The following GRIK1 variants were observed in gnomAD, a reference collection of about 807,000 sequenced individuals.
GRIK1 encodes the protein glutamate ionotropic receptor kainate type subunit 1.
Under a neutral mutation model 105.7 loss-of-function variants are expected in GRIK1, and 69 were observed. The observed-to-expected ratio is 0.65, with a 90% CI of 0.54 to 0.80. GRIK1 has a LOEUF of 0.80. Ranked by LOEUF, GRIK1 falls within the 30% of genes least tolerant of loss-of-function variation. The pLI, the probability that GRIK1 is intolerant of heterozygous loss-of-function variation, is 0.00. For synonymous variants in GRIK1, 438 were observed against 431.3 expected (o/e 1.02, Z -0.19); for missense variants, 1,109 against 1,167.3 (o/e 0.95, Z 0.73).
intron 1 of GRIK1, among the ~76,000 whole-genome samples, chr21:29,814,049 G>A (rs1339253120): frequency 1.4e-5 from 2 of 147,738 alleles, no homozygotes; most frequent in African/African-American, 5.0e-5. Context: ...TGAGTAGCTG[G>A]GATTACAGGT....
chr21:29,831,778 C>T (rs2067648958), intron 1 of GRIK1, among the ~76,000 whole-genome samples: 1 of 152,056 alleles, frequency 6.6e-6, no homozygotes, highest in Admixed American at 6.6e-5. Flanking sequence ...TACCATTCTG[C>T]CCCCAGCCCC....
intron 1 of GRIK1, among the ~76,000 whole-genome samples, chr21:29,900,247 G>A (rs2070344511): frequency 6.6e-6 from 1 of 151,876 alleles, no homozygotes; most frequent in Non-Finnish European, 1.5e-5. Context: ...TAACCAGCTA[G>A]CATCATAATG....
At chr21:29,893,369 C>T (rs943923802) in intron 1 of GRIK1, among the ~76,000 whole-genome samples, 5 of 152,100 alleles carry the variant, frequency 3.3e-5, no homozygotes, top group Non-Finnish European at 7.3e-5. Context: ...CATTCTTTTT[C>T]AAATCACTAT....
At chr21:29,793,030 GC>G (rs1384387432) in intron 1 of GRIK1, among the ~76,000 whole-genome samples, 1 of 151,914 alleles carries the variant, frequency 6.6e-6, no homozygotes, top group Non-Finnish European at 1.5e-5. Flanking sequence ...CACCTTCATT[GC>G]ACGTGAGCAA....
intron 3 of GRIK1, among the ~76,000 whole-genome samples, chr21:29,678,067 C>T (rs1349729965): frequency 6.6e-6 from 1 of 152,134 alleles, no homozygotes. Context: ...AGTTTGATGC[C>T]ATAAGCATGA....
At chr21:29,697,963 T>TCTC (rs1568988093) in intron 1 of GRIK1, among the ~76,000 whole-genome samples, 1 of 149,608 alleles carries the variant, frequency 6.7e-6, no homozygotes, top group African/African-American at 2.5e-5. Context: ...CTTTCTTCCT[T>TCTC]TCTTTCTTTC....
At chr21:29,734,426 T>TTTTCTTTTCTTTTC (rs1284335668) in intron 1 of GRIK1, among the ~76,000 whole-genome samples, 408 of 20,920 alleles carry the variant, frequency 0.02, 48 homozygotes, top group Non-Finnish European at 0.03. Flanking sequence ...CTTTTCTTTT[T>TTTTCTTTTCTTTTC]GAGACAGAGT....
intron 1 of GRIK1, among the ~76,000 whole-genome samples, chr21:29,775,922 T>C (rs1471843498): frequency 6.6e-6 from 1 of 152,108 alleles, no homozygotes. Flanking sequence ...CGAGACTGGG[T>C]AATTTATAAA....
chr21:29,542,034 T>A (rs951434574), intron 16 of GRIK1, among the ~76,000 whole-genome samples: 178 of 25,198 alleles, frequency 7.1e-3, no homozygotes, highest in African/African-American at 0.01. Flanking sequence ...TAATGTAGAG[T>A]GTGTGTGTGT....
At chr21:29,759,429 T>A (rs969323409) in intron 1 of GRIK1, among the ~76,000 whole-genome samples, 1 of 152,210 alleles carries the variant, frequency 6.6e-6, no homozygotes, top group African/African-American at 2.4e-5. Flanking sequence ...AGTTCCCTTA[T>A]TTTCTAATGC....
At chr21:29,682,660 A>G (rs1472274289) in intron 3 of GRIK1, among the ~76,000 whole-genome samples, 1 of 152,190 alleles carries the variant, frequency 6.6e-6, no homozygotes, top group Non-Finnish European at 1.5e-5. Context: ...TAAGTGTAAG[A>G]CCTCAAACTA....
intron 2 of GRIK1, 97 bp from the exon 3 acceptor site, chr21:29,690,082 C>T: frequency 4.2e-6 from 4 of 957,976 alleles, no homozygotes; most frequent in Non-Finnish European, 3.1e-6. Flanking sequence ...TTTCATGATT[C>T]CTCTTTTTAA....
At chr21:29,573,386 G>A (rs886995017) in intron 14 of GRIK1, among the ~76,000 whole-genome samples, 2 of 152,150 alleles carry the variant, frequency 1.3e-5, no homozygotes, top group Non-Finnish European at 2.9e-5. Flanking sequence ...GTCCTGCCAG[G>A]AAAAAGGAGA....
chr21:29,897,476 G>A (rs1467038147), intron 1 of GRIK1, among the ~76,000 whole-genome samples: 3 of 152,142 alleles, frequency 2.0e-5, no homozygotes, highest in African/African-American at 4.8e-5. Context: ...TTCCTCTATA[G>A]GTCAGGCTCA....
At chr21:29,692,988 T>G (rs1181031124) in intron 2 of GRIK1, among the ~76,000 whole-genome samples, 1 of 152,230 alleles carries the variant, frequency 6.6e-6, no homozygotes, top group Non-Finnish European at 1.5e-5. Flanking sequence ...ATGATCTAAC[T>G]AGATTAATTC....
At chr21:29,679,741 T>G (rs2063336747) in intron 3 of GRIK1, among the ~76,000 whole-genome samples, 2 of 152,188 alleles carry the variant, frequency 1.3e-5, no homozygotes, top group Admixed American at 6.5e-5. Context: ...CCTCAGGATA[T>G]TATTAGCATT....
At chr21:29,643,052 A>G (rs2062547365) in intron 6 of GRIK1, 83 bp from the exon 7 acceptor site, 2 of 1,341,636 alleles carry the variant, frequency 1.5e-6, no homozygotes, top group African/African-American at 2.9e-5. Context: ...CCCTGCTTCC[A>G]TAGCTCTTAT....
intron 9 of GRIK1, among the ~76,000 whole-genome samples, chr21:29,591,699 ATT>A (rs1219362918): frequency 1.3e-5 from 2 of 152,120 alleles, no homozygotes; most frequent in African/African-American, 4.8e-5. Context: ...TTTATTTAAA[ATT>A]TATGAATAAT....
chr21:29,783,706 A>G (rs1043911830), intron 1 of GRIK1, among the ~76,000 whole-genome samples: 1 of 152,148 alleles, frequency 6.6e-6, no homozygotes, highest in Admixed American at 6.5e-5. Context: ...ATCTTATACT[A>G]TATTTTATGT....
Sources: allele counts gnomAD v4.1 joint callset (sites outside exome capture counted in the v4.1 genomes callset), GRCh38; gene constraint gnomAD v4.1.1; transcripts MANE v1.5; gene names NCBI Gene and HGNC (gene_info 2026-07-23, HGNC 2026-07-21).